Variants in RPS15A observed in about 807,000 individuals in gnomAD.
RPS15A encodes small ribosomal subunit protein uS8.
For missense variants in RPS15A, 62 were observed against 163.4 expected, an observed-to-expected ratio of 0.38 and a Z score of 3.38; for synonymous variants, 55 against 58.5, an observed-to-expected ratio of 0.94 and a Z score of 0.27.
Position 18,784,832 on chromosome 16 carries a change from T to TAAC in RPS15A, c.214-12_214-10dup, listed in dbSNP as rs762572023. 1.8e-5 allele frequency: 28 copies of TAAC among 1,585,258 alleles called. No homozygotes were observed. Among genetic ancestry groups the TAAC allele is most frequent in the African/African-American group, 2.7e-5 (2 of 73,494 alleles). On this transcript the variant is annotated splice_polypyrimidine_tract_variant and intron_variant, in intron 3 of 4. Coordinates refer to ENST00000322989, the MANE Select transcript of RPS15A (RefSeq NM_001019.5). ...GGGCTGATCACCCCACACTATAAAA[T>TAAC]AACAACAACAACAAAAACATTCTTC... is the stretch of plus-strand genomic sequence containing the variant.
In RPS15A at chr16:18,784,577, A is replaced by G; in HGVS notation, c.299+161T>C. ...GTCTCTTTTTAAAGAGAGAGAAAAG[A>G]AATATGGATAACACTTGAGCTATTA... On this transcript the variant is annotated intron_variant, in intron 4 of 4. Coordinates refer to ENST00000322989, the MANE Select transcript of RPS15A (RefSeq NM_001019.5). The G allele has an allele frequency of 4.9e-6, 3 of 607,492 alleles. No individual in the cohort carries two copies. The South Asian group carries it at 6.3e-5, about 13-fold the overall frequency. The allele number at this position is 607,492 out of a possible 1,614,324, so 37.6% of individuals were successfully genotyped here.
At chr16:18,788,277 T>C (rs906155691) in intron 2 of RPS15A, 135 bp from the exon 3 acceptor site, 5 of 639,028 alleles carry the variant, frequency 7.8e-6, no homozygotes, top group Non-Finnish European at 1.4e-5. Context: ...GGGAAGACAG[T>C]TGCTCTGTAT....
intron 3 of RPS15A, 31 bp from the exon 4 acceptor site, chr16:18,784,854 C>T (rs1221474959): frequency 1.3e-6 from 2 of 1,523,916 alleles, no homozygotes; most frequent in Non-Finnish European, 1.8e-6. Context: ...CAAAAACATT[C>T]TTCACTTTAC....
chr16:18,782,914 A>C lies in RPS15A; in HGVS notation c.*95T>G, dbSNP rs1903987842. ...ACGAAGCAACTGCATGCTGCCGCAGAAGCTGTGGCTACACTGCTGTAAAGG... is the reference window on the plus strand; with the variant it reads ...ACGAAGCAACTGCATGCTGCCGCAGCAGCTGTGGCTACACTGCTGTAAAGG... On this transcript the variant is annotated 3_prime_UTR_variant, in exon 5 of 5. Transcript: ENST00000322989. 2.8e-6 allele frequency: 2 copies of C among 705,468 alleles called. No individual in the cohort carries two copies. The highest frequency in any genetic ancestry group is 1.8e-5 in the African/African-American group (1 of 56,050). 43.7% of individuals were successfully genotyped at this position (705,468 alleles called of 1,614,324 possible).
At chr16:18,784,127 C>A in intron 4 of RPS15A, 1 of 177,026 alleles carries the variant, frequency 5.6e-6, no homozygotes, top group Non-Finnish European at 1.2e-5. Flanking sequence ...CCTGTATTCC[C>A]AAATCCACAA....
rs1903985634 is a variant in RPS15A at position 18,782,770 on chromosome 16, G to A, written c.*239C>T. Reference sequence around the variant, plus strand: ...AACTGAAATACAACTAAAATATTTAGTGTCAAATACCTGGTTTTGGCAGAC... The same window carrying A: ...AACTGAAATACAACTAAAATATTTAATGTCAAATACCTGGTTTTGGCAGAC... On this transcript the variant is annotated 3_prime_UTR_variant, in exon 5 of 5. Coordinates refer to ENST00000322989, the MANE Select transcript of RPS15A (RefSeq NM_001019.5). The A allele has an allele frequency of 5.8e-6, 2 of 343,810 alleles. No homozygotes were observed. The highest frequency in any genetic ancestry group is 1.0e-5 in the Non-Finnish European group (2 of 190,520). 21.3% of individuals were successfully genotyped at this position (343,810 alleles called of 1,614,324 possible).
chr16:18,789,174 A>C, intron 1 of RPS15A, 56 bp from the exon 2 acceptor site: 1 of 1,528,766 alleles, frequency 6.5e-7, no homozygotes, highest in Non-Finnish European at 8.9e-7. Flanking sequence ...ATCAACAGAC[A>C]CCAACCATTA....
chr16:18,784,436 G>A lies in RPS15A; in HGVS notation c.299+302C>T, dbSNP rs545970665. On this transcript the variant is annotated intron_variant, in intron 4 of 4. Transcript: ENST00000322989. ...CTAATTTTGTATTTTAGGTAGACAC[G>A]GGGTTCTCCATGTTGGTCAGGGTGG... 20 of 244,422 alleles carry A rather than the reference G, an allele frequency of 8.2e-5. No homozygotes were observed. In the South Asian group the frequency reaches 1.1e-3, roughly 13 times the overall value. 15.1% of individuals were successfully genotyped at this position (244,422 alleles called of 1,614,324 possible).
At chr16:18,784,967 G>A in intron 3 of RPS15A, 144 bp from the exon 4 acceptor site, 1 of 601,382 alleles carries the variant, frequency 1.7e-6, no homozygotes. Flanking sequence ...TGTGCACAAT[G>A]CTTGACATAC....
intron 3 of RPS15A, chr16:18,785,416 C>G (rs2045008463): frequency 1.3e-5 from 2 of 152,206 alleles, no homozygotes; most frequent in African/African-American, 4.8e-5. Flanking sequence ...TATCTCATCT[C>G]GTGGCTACTG....
In RPS15A at chr16:18,782,886, T is replaced by C. The variant is rs1567286103; in HGVS notation, c.*123A>G. On this transcript the variant is annotated 3_prime_UTR_variant, in exon 5 of 5. Coordinates refer to ENST00000322989, the MANE Select transcript of RPS15A (RefSeq NM_001019.5). ...CACTTCAGGGAATCGCATTCACCGA[T>C]AAACGAAGCAACTGCATGCTGCCGC... 4.8e-6 allele frequency: 3 copies of C among 627,244 alleles called. No individual in the cohort carries two copies. In the East Asian group the frequency reaches 8.1e-5, roughly 17 times the overall value. The allele number at this position is 627,244 out of a possible 1,614,324, so 38.9% of individuals were successfully genotyped here.
In RPS15A at chr16:18,782,205, G is replaced by A. The variant is rs1335300171; in HGVS notation, c.*804C>T. 4 of 110,972 alleles carry A rather than the reference G, an allele frequency of 3.6e-5. No individual in the cohort carries two copies. Among genetic ancestry groups the A allele is most frequent in the East Asian group, 2.3e-4 (1 of 4,306 alleles). The allele number at this position is 110,972 out of a possible 1,614,324, so 6.9% of individuals were successfully genotyped here. ...CCAGCTACTCAGGAGGCTGAGGCAC[G>A]AGAACTACTTGAATCTGGGAAGCGG... On this transcript the variant is annotated 3_prime_UTR_variant, in exon 5 of 5. Transcript: ENST00000322989.
chr16:18,783,787 CAG>C (rs1240338384), intron 4 of RPS15A: 1 of 444,496 alleles, frequency 2.2e-6, no homozygotes, highest in Non-Finnish European at 4.5e-6. Flanking sequence ...AGGTGATAAA[CAG>C]AGGAACTATT....
chr16:18,788,934 TAG>T (rs780648790), intron 2 of RPS15A, 45 bp downstream of exon 2: 102 of 1,581,024 alleles, frequency 6.5e-5, no homozygotes, highest in South Asian at 3.5e-4. Flanking sequence ...ACTGATTTCT[TAG>T]AGAGTCTCAC....
intron 2 of RPS15A, 107 bp from the exon 3 acceptor site, chr16:18,788,249 C>T: frequency 1.4e-6 from 1 of 725,998 alleles, no homozygotes; most frequent in South Asian, 1.7e-5. Flanking sequence ...TCAGTGACTG[C>T]TTCTCCAAAA....
intron 2 of RPS15A, 130 bp downstream of exon 2, chr16:18,788,851 G>T: frequency 4.2e-6 from 4 of 949,514 alleles, no homozygotes; most frequent in Non-Finnish European, 6.4e-6. Context: ...CTCCTCCACA[G>T]CCCACAGGTC....
In RPS15A at chr16:18,784,671, T is replaced by G. The variant is rs572575926; in HGVS notation, c.299+67A>C. The G allele has an allele frequency of 4.0e-6, 5 of 1,245,578 alleles. No individual in the cohort carries two copies. In the East Asian group the frequency reaches 9.4e-5, roughly 23 times the overall value. 77.2% of individuals were successfully genotyped at this position (1,245,578 alleles called of 1,614,324 possible). On this transcript the variant is annotated intron_variant, in intron 4 of 4. Transcript: ENST00000322989. ...TAAACAGAAAAAAAGAAAAAAACCC[T>G]TAAGTCAAACTGCACCACAGAAATT...
In RPS15A at chr16:18,788,293, C is replaced by A. The variant is rs2641892; in HGVS notation, c.134-151G>T. ...GGAAGACAGTTGCTCTGTATCAGAA[C>A]TAATTTTTACAACCTAACATATAAG... On this transcript the variant is annotated intron_variant, in intron 2 of 4. Coordinates refer to ENST00000322989, the MANE Select transcript of RPS15A (RefSeq NM_001019.5). 41,547 of 604,128 alleles carry A rather than the reference C, an allele frequency of 0.069. 1,805 individuals are homozygous for A. The highest frequency in any genetic ancestry group is 0.15 in the African/African-American group (8,149 of 53,846). 37.4% of individuals were successfully genotyped at this position (604,128 alleles called of 1,614,324 possible). A position where few individuals can be genotyped will look rare whatever the true frequency, so the allele number is the denominator to read the frequency against.
chr16:18,781,405 C>T lies in RPS15A; in HGVS notation c.*1604G>A, dbSNP rs1903964627. 1 of 151,664 alleles carries T rather than the reference C, an allele frequency of 6.6e-6. No individual in the cohort carries two copies. Among genetic ancestry groups the T allele is most frequent in the Middle Eastern group, 3.2e-3 (1 of 316 alleles). 9.4% of individuals were successfully genotyped at this position (151,664 alleles called of 1,614,324 possible). On this transcript the variant is annotated 3_prime_UTR_variant, in exon 5 of 5. Transcript: ENST00000322989. Reference sequence around the variant, plus strand: ...CATCCCTACACACCAGGTTTGCAGGCTAGGGACCAGAGACACGATGGTTAA... The same window carrying T: ...CATCCCTACACACCAGGTTTGCAGGTTAGGGACCAGAGACACGATGGTTAA...
Sources: gnomAD v4.1 joint callset for allele counts on GRCh38, gnomAD v4.1.1 for gene constraint, MANE v1.5 for transcripts, NCBI Gene and HGNC (gene_info 2026-07-23, HGNC 2026-07-21) for gene names.